The following DLGAP2 variants were observed in gnomAD, a reference collection of about 807,000 sequenced individuals.
The protein encoded by DLGAP2 is DLG associated protein 2, also known as disks large-associated protein 2.
A neutral mutation model predicts 100.3 loss-of-function variants in DLGAP2; 26 were observed. That is an observed-to-expected ratio of 0.26 (90% confidence interval 0.19 to 0.36). The LOEUF is 0.36. Ranked by LOEUF, DLGAP2 falls within the 10% of genes least tolerant of loss-of-function variation. The probability of loss-of-function intolerance (pLI) is 1.00; values close to 1 mark genes in which losing one functional copy is unlikely to be tolerated. For missense variants in DLGAP2, 1,858 were observed against 1,453.2 expected (o/e 1.28, Z -4.53); for synonymous variants, 886 against 630.1 (o/e 1.41, Z -6.08).
chr8:1,392,362 G>A (rs1318396837), intron 3 of DLGAP2, among the ~76,000 whole-genome samples: 1 of 152,138 alleles, frequency 6.6e-6, no homozygotes, highest in Non-Finnish European at 1.5e-5. Context: ...CTCCCACGGG[G>A]AGGGCTTCCC....
At chr8:1,432,789 CGT>C (rs1385146719) in intron 3 of DLGAP2, among the ~76,000 whole-genome samples, 1 of 152,176 alleles carries the variant, frequency 6.6e-6, no homozygotes, top group Non-Finnish European at 1.5e-5. Flanking sequence ...CCCGCGATCG[CGT>C]GTTTGGATTA....
intron 1 of DLGAP2, among the ~76,000 whole-genome samples, chr8:785,046 AAATACAAAAC>A (rs1821800676): frequency 6.6e-6 from 1 of 151,676 alleles, no homozygotes; most frequent in Non-Finnish European, 1.5e-5. Flanking sequence ...TCTCTACTAA[AAATACAAAAC>A]AATACAAAAC....
At chr8:802,584 G>T (rs1034653146) in intron 1 of DLGAP2, among the ~76,000 whole-genome samples, 41 of 152,184 alleles carry the variant, frequency 2.7e-4, no homozygotes, top group African/African-American at 9.4e-4. Flanking sequence ...GGGGCTGCAT[G>T]GCGGGGTGGG....
intron 2 of DLGAP2, among the ~76,000 whole-genome samples, chr8:1,223,726 C>T (rs17063710): frequency 3.3e-5 from 5 of 152,120 alleles, no homozygotes; most frequent in Non-Finnish European, 5.9e-5. Flanking sequence ...ATGGAGGGTT[C>T]TGTGATGACT....
At chr8:1,333,971 G>C (rs1292865986) in intron 3 of DLGAP2, among the ~76,000 whole-genome samples, 1 of 152,238 alleles carries the variant, frequency 6.6e-6, no homozygotes, top group African/African-American at 2.4e-5. Flanking sequence ...AACACGGCGA[G>C]AGCCACGTGC....
At chr8:1,200,583 G>A (rs1797849666) in intron 2 of DLGAP2, among the ~76,000 whole-genome samples, 1 of 152,160 alleles carries the variant, frequency 6.6e-6, no homozygotes, top group African/African-American at 2.4e-5. Flanking sequence ...CCGCCTGCAC[G>A]TCCCACTGCC....
At chr8:760,127 G>C (rs1821043471) in intron 1 of DLGAP2, among the ~76,000 whole-genome samples, 1 of 152,142 alleles carries the variant, frequency 6.6e-6, no homozygotes, top group East Asian at 1.9e-4. Flanking sequence ...TTTCTTTCTT[G>C]TCCTTCCTGG....
In DLGAP2 at chr8:737,727, G is replaced by T. The variant is rs1394989351; in HGVS notation, c.-81G>T. 1.6e-5 allele frequency: 6 copies of T among 374,106 alleles called. No homozygotes were observed. The highest frequency in any genetic ancestry group is 2.9e-5 in the Non-Finnish European group (6 of 210,086). The allele number at this position is 374,106 out of a possible 1,614,324, so 23.2% of individuals were successfully genotyped here. On this transcript the variant is annotated 5_prime_UTR_variant, in exon 1 of 15. Transcript: ENST00000637795. The stretch of plus-strand genomic sequence containing the variant: ...CGGACGGACGTACTGACCCCAACCC[G>T]CGAGCCCCGGGAGCCGTCGGTCTGA...
At chr8:1,260,315 G>T (rs192147299) in intron 3 of DLGAP2, among the ~76,000 whole-genome samples, 3 of 152,050 alleles carry the variant, frequency 2.0e-5, no homozygotes, top group Admixed American at 1.3e-4. Flanking sequence ...ACCCCTCACC[G>T]AGAGTTTTCA....
chr8:1,377,140 G>T (rs1242269754), intron 3 of DLGAP2, among the ~76,000 whole-genome samples: 4 of 152,212 alleles, frequency 2.6e-5, no homozygotes, highest in Non-Finnish European at 4.4e-5. Flanking sequence ...AGTCCTCGGG[G>T]CCCAGCCCCA....
At chr8:1,211,136 T>G (rs1463925650) in intron 2 of DLGAP2, among the ~76,000 whole-genome samples, 3 of 152,214 alleles carry the variant, frequency 2.0e-5, no homozygotes, top group African/African-American at 7.2e-5. Context: ...TGTTCCGTGG[T>G]TTTGCAACAT....
chr8:1,200,358 C>A (rs1797844180), intron 2 of DLGAP2, among the ~76,000 whole-genome samples: 1 of 152,224 alleles, frequency 6.6e-6, no homozygotes, highest in Non-Finnish European at 1.5e-5. Flanking sequence ...AATTCATCTT[C>A]AGAGCTTGTT....
chr8:816,378 T>C (rs1230505907), intron 1 of DLGAP2, among the ~76,000 whole-genome samples: 1 of 152,138 alleles, frequency 6.6e-6, no homozygotes, highest in African/African-American at 2.4e-5. Flanking sequence ...TGTTTCAAGA[T>C]TTAGAGCTCC....
intron 1 of DLGAP2, among the ~76,000 whole-genome samples, chr8:743,335 C>T (rs371898325): frequency 2.0e-5 from 3 of 152,128 alleles, no homozygotes; most frequent in Admixed American, 6.5e-5. Flanking sequence ...TCAGGGTAGA[C>T]GTTGCATACT....
intron 2 of DLGAP2, among the ~76,000 whole-genome samples, chr8:1,165,478 G>C (rs1796997670): frequency 6.6e-6 from 1 of 152,172 alleles, no homozygotes; most frequent in Non-Finnish European, 1.5e-5. Context: ...TTGGTGCAAA[G>C]GGCATCGCAC....
intron 1 of DLGAP2, among the ~76,000 whole-genome samples, chr8:781,488 C>T (rs538190089): frequency 1.3e-5 from 2 of 152,062 alleles, no homozygotes; most frequent in African/African-American, 4.8e-5. Flanking sequence ...CATTTTGAGA[C>T]TTGCTACAAC....
rs566976924 is a variant in DLGAP2, at chr8:926,988, G to A, written c.73+19022G>A. On this transcript the variant is annotated intron_variant, in intron 2 of 14. Coordinates refer to ENST00000637795, the MANE Select transcript of DLGAP2 (RefSeq NM_001346810.2). The stretch of plus-strand genomic sequence containing the variant: ...GCGTGGGGGGAAGCCAGGAAAAGCC[G>A]GGGCCAGAGGACCCCCCGCCGAGAA... The A allele has an allele frequency of 8.0e-5, 79 of 981,894 alleles. No individual in the cohort carries two copies. The African/African-American group carries it at 1.1e-3, about 14-fold the overall frequency. The allele number at this position is 981,894 out of a possible 1,614,324, so 60.8% of individuals were successfully genotyped here.
At chr8:872,554 A>G (rs1356111164) in intron 1 of DLGAP2, among the ~76,000 whole-genome samples, 1 of 151,762 alleles carries the variant, frequency 6.6e-6, no homozygotes, top group East Asian at 1.9e-4. Flanking sequence ...CTGGTCTCAA[A>G]CTGACCTCAG....
rs1236088993 is a variant in DLGAP2 at position 1,706,617 on chromosome 8, G to T, written c.*5211G>T. 6.6e-6 allele frequency: 1 copy of T among 152,186 alleles called. No individual in the cohort carries two copies. The highest frequency in any genetic ancestry group is 2.4e-5 in the African/African-American group (1 of 41,438). The allele number at this position is 152,186 out of a possible 1,614,324, so 9.4% of individuals were successfully genotyped here. On this transcript the variant is annotated 3_prime_UTR_variant, in exon 15 of 15. Coordinates refer to ENST00000637795, the MANE Select transcript of DLGAP2 (RefSeq NM_001346810.2). ...TTCAACTGTTTCTAGATGCTTCCAA[G>T]AACAAGAACCCAGCACCAACCAGAA...
Sources: allele counts gnomAD v4.1 joint callset (sites outside exome capture counted in the v4.1 genomes callset), GRCh38; gene constraint gnomAD v4.1.1; transcripts MANE v1.5; gene names NCBI Gene and HGNC (gene_info 2026-07-23, HGNC 2026-07-21).